GALNT13: variants seen among roughly 807,000 people sequenced by gnomAD.
GALNT13 encodes the protein polypeptide N-acetylgalactosaminyltransferase 13.
In GALNT13, 28 loss-of-function variants were observed where a neutral mutation model predicts 64.2. The observed-to-expected ratio is 0.44, with a 90% CI of 0.32 to 0.60. GALNT13 has a LOEUF of 0.60. Among genes scored for constraint, GALNT13 ranks in the 20% least tolerant of loss-of-function variants. The probability of loss-of-function intolerance (pLI) is 0.05; values close to 1 mark genes in which losing one functional copy is unlikely to be tolerated. For missense variants in GALNT13, 577 were observed against 669.8 expected (o/e 0.86, Z 1.53); for synonymous variants, 214 against 224.6 (o/e 0.95, Z 0.42).
chr2:154,257,257 C>T (rs748183751), intron 7 of GALNT13, among the ~76,000 whole-genome samples: 1 of 151,916 alleles, frequency 6.6e-6, no homozygotes, highest in Non-Finnish European at 1.5e-5. Context: ...AACTGTAAGC[C>T]GAAATTCAAT....
the GALNT13 span, among the ~76,000 whole-genome samples, chr2:153,391,885 A>G: frequency 4.6e-5 from 7 of 151,350 alleles, no homozygotes; most frequent in East Asian, 1.4e-3. Flanking sequence ...TTAAAGCCAC[A>G]TGCCGTCCAA....
chr2:154,265,481 C>T (rs1036226778), intron 8 of GALNT13, among the ~76,000 whole-genome samples: 2 of 151,988 alleles, frequency 1.3e-5, no homozygotes, highest in Non-Finnish European at 2.9e-5. Flanking sequence ...GGCAGATCAC[C>T]TGAGGTCAGG....
the GALNT13 span, among the ~76,000 whole-genome samples, chr2:153,386,497 T>G: frequency 6.6e-6 from 1 of 151,986 alleles, no homozygotes; most frequent in African/African-American, 2.4e-5. Flanking sequence ...CTGCTGACTT[T>G]GTGAGCTTTG....
At chr2:154,115,881 G>C (rs1323820365) in intron 3 of GALNT13, among the ~76,000 whole-genome samples, 1 of 151,960 alleles carries the variant, frequency 6.6e-6, no homozygotes, top group African/African-American at 2.4e-5. Context: ...CCAGATTTCT[G>C]CTTATATATA....
the GALNT13 span, among the ~76,000 whole-genome samples, chr2:153,637,877 C>T: frequency 6.6e-6 from 1 of 151,474 alleles, no homozygotes; most frequent in East Asian, 1.9e-4. Flanking sequence ...TGGGCAAATA[C>T]TATGTTTATT....
At chr2:153,226,334 A>G in the GALNT13 span, among the ~76,000 whole-genome samples, 1 of 152,170 alleles carries the variant, frequency 6.6e-6, no homozygotes. Context: ...AACAGATTGG[A>G]ATACACACAG....
At chr2:153,554,633 T>C in the GALNT13 span, among the ~76,000 whole-genome samples, 1 of 151,580 alleles carries the variant, frequency 6.6e-6, no homozygotes, top group Non-Finnish European at 1.5e-5. Context: ...TGTTACCAAA[T>C]CCAGAAACCC....
At chr2:154,015,319 TA>T (rs1211209085) in intron 3 of GALNT13, among the ~76,000 whole-genome samples, 1 of 152,200 alleles carries the variant, frequency 6.6e-6, no homozygotes, top group African/African-American at 2.4e-5. Context: ...AATTTAACAA[TA>T]AAAAATTAAA....
chr2:154,421,502 G>A (rs1213406594), intron 11 of GALNT13, among the ~76,000 whole-genome samples: 1 of 152,022 alleles, frequency 6.6e-6, no homozygotes, highest in East Asian at 1.9e-4. Context: ...GGTTTTACAT[G>A]CCCTAATTAT....
At chr2:153,467,073 G>T in the GALNT13 span, among the ~76,000 whole-genome samples, 2 of 151,910 alleles carry the variant, frequency 1.3e-5, no homozygotes, top group African/African-American at 4.8e-5. Flanking sequence ...CAACATATTC[G>T]AATAAAACAT....
At chr2:153,817,015 A>T in the GALNT13 span, among the ~76,000 whole-genome samples, 1 of 152,194 alleles carries the variant, frequency 6.6e-6, no homozygotes, top group Non-Finnish European at 1.5e-5. Context: ...AACCAGAGCC[A>T]ACCATTTTAA....
At chr2:153,866,077 C>T in the GALNT13 span, among the ~76,000 whole-genome samples, 12 of 88,940 alleles carry the variant, frequency 1.3e-4, no homozygotes, top group Non-Finnish European at 1.8e-4. Flanking sequence ...AACCAAACAC[C>T]GCATATTCTC....
chr2:154,306,142 TTTATTA>T (rs70983715), intron 9 of GALNT13, among the ~76,000 whole-genome samples: 3 of 151,222 alleles, frequency 2.0e-5, no homozygotes, highest in African/African-American at 7.3e-5. Context: ...ATAAATCTCT[TTTATTA>T]TTATTATTAT....
chr2:153,779,212 G>A, the GALNT13 span, among the ~76,000 whole-genome samples: 5 of 151,762 alleles, frequency 3.3e-5, no homozygotes, highest in South Asian at 2.1e-4. Flanking sequence ...TGTTCTAGAC[G>A]CAAAACATAT....
chr2:154,438,704 A>T lies in GALNT13; in HGVS notation c.1508A>T (p.Gln503Leu), dbSNP rs1209808999. The change falls in exon 12 of 13, where the codon CAG becomes CTG. Residue 503 changes from glutamine (Q) to leucine (L), a missense_variant. Coordinates refer to ENST00000392825, the MANE Select transcript of GALNT13 (RefSeq NM_052917.4). Reference protein sequence around the residue: ...MLKCHHMRGNQLWEYDAERLT... With the variant: ...MLKCHHMRGNLLWEYDAERLT... ...AAATGCCACCATATGAGAGGAAATC[A>T]GTTATGGGAATATGATGCTGAGGTA... 6.2e-7 allele frequency: 1 copy of T among 1,609,988 alleles called. No homozygotes were observed. The highest frequency in any genetic ancestry group is 1.7e-5 in the Admixed American group (1 of 59,950).
At chr2:153,956,889 C>T (rs1034099756) in intron 3 of GALNT13, among the ~76,000 whole-genome samples, 3 of 152,134 alleles carry the variant, frequency 2.0e-5, no homozygotes, top group Non-Finnish European at 4.4e-5. Context: ...TCCATTCTTT[C>T]ACTTTTAACA....
intron 4 of GALNT13, among the ~76,000 whole-genome samples, chr2:154,205,509 G>A (rs1307129388): frequency 6.6e-6 from 1 of 152,170 alleles, no homozygotes; most frequent in Non-Finnish European, 1.5e-5. Flanking sequence ...AATAATTTGG[G>A]TATATTGTCA....
chr2:153,428,632 A>G, the GALNT13 span, among the ~76,000 whole-genome samples: 2 of 152,168 alleles, frequency 1.3e-5, no homozygotes, highest in Non-Finnish European at 2.9e-5. Context: ...AAAAAATTGA[A>G]CTGGACATAA....
intron 4 of GALNT13, among the ~76,000 whole-genome samples, chr2:154,153,964 C>G (rs1684239753): frequency 6.6e-6 from 1 of 152,176 alleles, no homozygotes; most frequent in African/African-American, 2.4e-5. Context: ...GTCTGGCACT[C>G]CCTAGTGAGA....
Sources: gnomAD v4.1 joint callset for allele counts (sites outside exome capture counted in the v4.1 genomes callset) on GRCh38, gnomAD v4.1.1 for gene constraint, MANE v1.5 for transcripts, NCBI Gene and HGNC (gene_info 2026-07-23, HGNC 2026-07-21) for gene names.